The following JMJD1C variants were observed in gnomAD, a reference collection of about 807,000 sequenced individuals.
JMJD1C encodes jumonji domain-containing protein 1C.
Under a neutral mutation model 245.3 loss-of-function variants are expected in JMJD1C, and 31 were observed. The observed-to-expected ratio is 0.13, with a 90% CI of 0.09 to 0.17. The LOEUF is 0.17. Among genes scored for constraint, JMJD1C ranks in the 10% least tolerant of loss-of-function variants. The pLI is 1.00. For missense variants in JMJD1C, 2,691 were observed against 3,000.2 expected (o/e 0.90, Z 2.41); for synonymous variants, 1,057 against 1,017.4 (o/e 1.04, Z -0.74).
At chr10:63,489,052 T>C (rs1954085284) in intron 1 of JMJD1C, among the ~76,000 whole-genome samples, 1 of 152,188 alleles carries the variant, frequency 6.6e-6, no homozygotes, top group Non-Finnish European at 1.5e-5. Context: ...ATTACTCATA[T>C]GTTTGTGGTG....
intron 1 of JMJD1C, among the ~76,000 whole-genome samples, chr10:63,392,871 C>CACACATAA (rs1564870717): frequency 9.6e-6 from 1 of 103,888 alleles, no homozygotes; most frequent in Admixed American, 1.2e-4. Context: ...TACATAAACA[C>CACACATAA]ACACACACAC....
chr10:63,278,640 G>T (rs1169515951), intron 2 of JMJD1C, among the ~76,000 whole-genome samples: 1 of 151,818 alleles, frequency 6.6e-6, no homozygotes, highest in Non-Finnish European at 1.5e-5. Flanking sequence ...GGGAGTTCAA[G>T]ACCAGCCTGA....
At chr10:63,301,306 C>T (rs1425743822) in intron 2 of JMJD1C, among the ~76,000 whole-genome samples, 1 of 152,222 alleles carries the variant, frequency 6.6e-6, no homozygotes, top group Non-Finnish European at 1.5e-5. Context: ...TGAACCACCA[C>T]ATCCAGCCTC....
At chr10:63,489,117 A>G (rs185617435) in intron 1 of JMJD1C, among the ~76,000 whole-genome samples, 2 of 152,292 alleles carry the variant, frequency 1.3e-5, no homozygotes, top group Admixed American at 1.3e-4. Flanking sequence ...GTAAAAAATG[A>G]GGCCGGGCGC....
chr10:63,220,609 C>A (rs1032913229), intron 3 of JMJD1C, among the ~76,000 whole-genome samples: 1 of 152,110 alleles, frequency 6.6e-6, no homozygotes, highest in Non-Finnish European at 1.5e-5. Flanking sequence ...TAGAAACAAC[C>A]AATTCTCTCT....
intron 10 of JMJD1C, 85 bp downstream of exon 10, chr10:63,206,510 G>A (rs1234303719): frequency 1.9e-6 from 2 of 1,065,284 alleles, no homozygotes; most frequent in Non-Finnish European, 2.7e-6. Flanking sequence ...ATGCCTTTAA[G>A]CTCACTGATC....
chr10:63,278,329 TACA>T (rs1857016684), intron 2 of JMJD1C, among the ~76,000 whole-genome samples: 1 of 139,506 alleles, frequency 7.2e-6, no homozygotes, highest in African/African-American at 2.6e-5. Context: ...CTACTAAAAA[TACA>T]ACAATTAAAA....
chr10:63,311,484 C>A (rs910085599), intron 2 of JMJD1C, among the ~76,000 whole-genome samples: 1 of 152,210 alleles, frequency 6.6e-6, no homozygotes, highest in South Asian at 2.1e-4. Flanking sequence ...AAAACAATTA[C>A]TCCAACATTG....
intron 2 of JMJD1C, among the ~76,000 whole-genome samples, chr10:63,265,459 C>T (rs1305710051): frequency 6.6e-6 from 1 of 152,108 alleles, no homozygotes; most frequent in Non-Finnish European, 1.5e-5. Context: ...ATACCTTTAA[C>T]ATATGAGATT....
intron 2 of JMJD1C, among the ~76,000 whole-genome samples, chr10:63,305,195 C>T (rs1309075360): frequency 2.0e-5 from 3 of 151,748 alleles, no homozygotes; most frequent in Admixed American, 6.6e-5. Flanking sequence ...GGTGAAACCC[C>T]GTCTCTACTA....
At chr10:63,275,493 A>C (rs1856693387) in intron 2 of JMJD1C, among the ~76,000 whole-genome samples, 1 of 152,230 alleles carries the variant, frequency 6.6e-6, no homozygotes, top group Admixed American at 6.5e-5. Flanking sequence ...AATCAATTCA[A>C]CATAAAGGGT....
intron 3 of JMJD1C, among the ~76,000 whole-genome samples, chr10:63,246,819 G>T (rs1852268930): frequency 6.6e-6 from 1 of 151,730 alleles, no homozygotes; most frequent in African/African-American, 2.4e-5. Context: ...CAAATACATG[G>T]AAATTAAACA....
intron 1 of JMJD1C, among the ~76,000 whole-genome samples, chr10:63,389,464 T>C (rs1399264765): frequency 1.3e-5 from 2 of 150,874 alleles, no homozygotes; most frequent in Non-Finnish European, 3.0e-5. Context: ...TCCTTTTTTT[T>C]TTTTCCCAAA....
intron 1 of JMJD1C, among the ~76,000 whole-genome samples, chr10:63,425,181 T>C (rs1950369339): frequency 6.6e-6 from 1 of 152,194 alleles, no homozygotes; most frequent in Non-Finnish European, 1.5e-5. Flanking sequence ...TAAATACAGA[T>C]AAAATTTTGA....
chr10:63,358,426 G>A (rs1407935344), intron 2 of JMJD1C, among the ~76,000 whole-genome samples: 3 of 151,720 alleles, frequency 2.0e-5, no homozygotes, highest in African/African-American at 4.8e-5. Flanking sequence ...AGATAGATAC[G>A]GTGGTGTGTA....
At chr10:63,220,676 C>A (rs555028174) in intron 3 of JMJD1C, among the ~76,000 whole-genome samples, 1 of 152,296 alleles carries the variant, frequency 6.6e-6, no homozygotes, top group Admixed American at 6.5e-5. Flanking sequence ...TGGTCTCCCA[C>A]TGGACTCTGA....
chr10:63,224,150 G>A (rs758724552), intron 3 of JMJD1C, among the ~76,000 whole-genome samples: 1 of 152,082 alleles, frequency 6.6e-6, no homozygotes, highest in Non-Finnish European at 1.5e-5. Context: ...TTATCTAGCG[G>A]AAATAGCATA....
chr10:63,337,585 A>C (rs1299807275), intron 2 of JMJD1C, among the ~76,000 whole-genome samples: 1 of 97,460 alleles, frequency 1.0e-5, no homozygotes, highest in African/African-American at 6.4e-5. Flanking sequence ...AAAGAAAAGA[A>C]AAGAAAAGAA....
intron 1 of JMJD1C, among the ~76,000 whole-genome samples, chr10:63,420,994 A>C (rs1950094962): frequency 6.6e-6 from 1 of 152,112 alleles, no homozygotes; most frequent in Non-Finnish European, 1.5e-5. Flanking sequence ...CCAACAAGAC[A>C]AAAAAATGAA....
Sources: allele counts gnomAD v4.1 joint callset (sites outside exome capture counted in the v4.1 genomes callset), GRCh38; gene constraint gnomAD v4.1.1; transcripts MANE v1.5; gene names NCBI Gene and HGNC (gene_info 2026-07-23, HGNC 2026-07-21).